The following CACNA2D3 variants were observed in gnomAD, a reference collection of about 807,000 sequenced individuals.
The protein encoded by CACNA2D3 is calcium voltage-gated channel auxiliary subunit alpha2delta 3.
Under a neutral mutation model 160.6 loss-of-function variants are expected in CACNA2D3, and 60 were observed. The observed-to-expected ratio is 0.37, with a 90% CI of 0.30 to 0.46. The LOEUF (loss-of-function observed/expected upper bound fraction) is 0.46, where lower values mean the gene tolerates loss of function less well. Ranked by LOEUF, CACNA2D3 falls within the 20% of genes least tolerant of loss-of-function variation. The pLI, the probability that CACNA2D3 is intolerant of heterozygous loss-of-function variation, is 1.00. For synonymous variants in CACNA2D3, 558 were observed against 492.9 expected (o/e 1.13, Z -1.75); for missense variants, 1,205 against 1,365.0 (o/e 0.88, Z 1.85).
chr3:54,533,731 G>A (rs1281369814), intron 5 of CACNA2D3, among the ~76,000 whole-genome samples: 1 of 151,958 alleles, frequency 6.6e-6, no homozygotes, highest in Admixed American at 6.6e-5. Flanking sequence ...GTGCTCTAAG[G>A]TCTTTAGGGA....
At chr3:54,698,904 A>G (rs1488599266) in intron 11 of CACNA2D3, among the ~76,000 whole-genome samples, 1 of 152,154 alleles carries the variant, frequency 6.6e-6, no homozygotes, top group Non-Finnish European at 1.5e-5. Flanking sequence ...TGGGAGAGCG[A>G]GCAAAAGCTT....
At chr3:54,978,587 G>A (rs946350609) in intron 29 of CACNA2D3, among the ~76,000 whole-genome samples, 4 of 152,174 alleles carry the variant, frequency 2.6e-5, no homozygotes, top group Admixed American at 6.5e-5. Context: ...CAATAGCAAC[G>A]TATTCCAAAA....
intron 11 of CACNA2D3, among the ~76,000 whole-genome samples, chr3:54,653,775 A>G (rs149871684): frequency 4.6e-5 from 7 of 152,292 alleles, no homozygotes; most frequent in African/African-American, 1.7e-4. Context: ...TGTGGTGGAA[A>G]CTGTGGTTTC....
chr3:54,715,214 G>A (rs114002561), intron 11 of CACNA2D3, among the ~76,000 whole-genome samples: 93 of 152,284 alleles, frequency 6.1e-4, no homozygotes, highest in African/African-American at 2.2e-3. Flanking sequence ...GTGGGTCACA[G>A]AACTCAGGGA....
intron 2 of CACNA2D3, among the ~76,000 whole-genome samples, chr3:54,196,035 G>C (rs1701073146): frequency 6.6e-6 from 1 of 152,158 alleles, no homozygotes. Context: ...CAATGTTGGT[G>C]GCCATCAAGA....
At chr3:54,386,846 G>C in intron 4 of CACNA2D3, 72 bp downstream of exon 4, 1 of 1,353,674 alleles carries the variant, frequency 7.4e-7, no homozygotes, top group Non-Finnish European at 1.0e-6. Context: ...GGTATACCAG[G>C]AATACTGATT....
chr3:54,975,909 T>G lies in CACNA2D3; in HGVS notation c.2556+6065T>G, dbSNP rs571982791. On this transcript the variant is annotated intron_variant, in intron 29 of 37. Transcript: ENST00000474759. ...GTCAGTCACTTTTATTGTTTTTACTTGCTTTCAGCCACAATAATAACACCC... is the reference window on the plus strand; with the variant it reads ...GTCAGTCACTTTTATTGTTTTTACTGGCTTTCAGCCACAATAATAACACCC... Among the ~76,000 whole-genome samples the G allele has an allele frequency of 2.0e-5, 3 of 152,258 alleles. No homozygotes were observed. The East Asian group carries it at 5.8e-4, about 29-fold the overall frequency.
chr3:54,742,946 A>G (rs1701683741), intron 11 of CACNA2D3, among the ~76,000 whole-genome samples: 1 of 152,236 alleles, frequency 6.6e-6, no homozygotes. Flanking sequence ...TTCAGGAGAA[A>G]AAGAAATCAT....
intron 3 of CACNA2D3, among the ~76,000 whole-genome samples, chr3:54,321,775 C>G (rs1194769301): frequency 6.6e-6 from 1 of 152,062 alleles, no homozygotes; most frequent in African/African-American, 2.4e-5. Flanking sequence ...ATGTGAATTC[C>G]AGAACACAGA....
intron 27 of CACNA2D3, among the ~76,000 whole-genome samples, chr3:54,905,233 G>A (rs1034886685): frequency 3.9e-5 from 6 of 152,180 alleles, no homozygotes; most frequent in Admixed American, 2.0e-4. Context: ...TGTGGGTTAT[G>A]TGGTCTCATT....
At chr3:54,874,932 G>C (rs185070023) in intron 18 of CACNA2D3, 1 of 152,210 alleles carries the variant, frequency 6.6e-6, no homozygotes, top group African/African-American at 2.4e-5. Context: ...TGTCTGCATG[G>C]TATTGTTGTG....
chr3:54,209,900 G>C (rs1701343151), intron 2 of CACNA2D3, among the ~76,000 whole-genome samples: 1 of 152,184 alleles, frequency 6.6e-6, no homozygotes, highest in Non-Finnish European at 1.5e-5. Flanking sequence ...AATCCCTTTA[G>C]AGATGAATGT....
In CACNA2D3 at chr3:54,571,612, AGTGTGTGTGTGT is replaced by A. The variant is rs58652360; in HGVS notation, c.888+1544_888+1555del. Among the ~76,000 whole-genome samples, 1,088 of 136,298 alleles carry A rather than the reference AGTGTGTGTGTGT, an allele frequency of 8.0e-3. 9 individuals carry two copies. Among genetic ancestry groups the A allele is most frequent in the South Asian group, 0.035 (134 of 3,862 alleles). The allele number at this position is 136,298 out of a possible 152,430, so 89.4% of individuals were successfully genotyped here. ...CTTTGAGTCCTTGAGCACTTAACCA[AGTGTGTGTGTGT>A]GTGTGTGTGTGTGTGTGTGTGTGTG... On this transcript the variant is annotated intron_variant, in intron 8 of 37. Transcript: ENST00000474759.
At chr3:55,005,197 A>G (rs915283692) in intron 32 of CACNA2D3, among the ~76,000 whole-genome samples, 1 of 151,878 alleles carries the variant, frequency 6.6e-6, no homozygotes, top group Admixed American at 6.6e-5. Flanking sequence ...AACCGCTTGA[A>G]CCTTGGAGGA....
Position 54,149,877 on chromosome 3 carries a change from G to GTGTCTCTCTCTCTCTC in CACNA2D3, c.204+26284_204+26285insGTCTCTCTCTCTCTCT, listed in dbSNP as rs757018890. On this transcript the variant is annotated intron_variant, in intron 2 of 37. Transcript: ENST00000474759. ...TAGTAACAGAGAGGGCTGTCCTGAAGTATCTGTCTCTCTCTCTCTCTCTCT... is the reference window on the plus strand; with the variant it reads ...TAGTAACAGAGAGGGCTGTCCTGAAGTGTCTCTCTCTCTCTCTATCTGTCTCTCTCTCTCTCTCTCT... Among the ~76,000 whole-genome samples, 45 of 105,948 alleles carry GTGTCTCTCTCTCTCTC rather than the reference G, an allele frequency of 4.2e-4. 3 individuals carry two copies. The highest frequency in any genetic ancestry group is 8.5e-4 in the East Asian group (3 of 3,540). The allele number at this position is 105,948 out of a possible 152,430, so 69.5% of individuals were successfully genotyped here. A position where few individuals can be genotyped will look rare whatever the true frequency, so the allele number is the denominator to read the frequency against.
chr3:54,864,869 G>A (rs57895449), intron 17 of CACNA2D3, among the ~76,000 whole-genome samples: 44,577 of 152,118 alleles, frequency 0.29, 8,532 homozygotes, highest in Admixed American at 0.49. Flanking sequence ...GCTGCTGCCT[G>A]TCAGCCATGT....
Position 55,074,135 on chromosome 3 carries a change from G to T in CACNA2D3, c.3205G>T (p.Gly1069Cys). 1.2e-6 allele frequency: 2 copies of T among 1,613,706 alleles called. No individual in the cohort carries two copies. The highest frequency in any genetic ancestry group is 1.1e-5 in the South Asian group (1 of 91,064). The stretch of plus-strand genomic sequence containing the variant: ...ATAGGAGAATGCAAGGGAGTGTGGG[G>T]GTGCGCCGAGTCTCCAAGCCCAGAC... ...HPEENARECG[G>C]APSLQAQTVL... Residue 1069 changes from glycine (G) to cysteine (C), a missense_variant, in exon 38 of 38, where the codon GGT becomes TGT. By Grantham distance (159) the Gly-to-Cys change is radical. Around this residue, in one of 3 missense-constraint regions of CACNA2D3, gnomAD observed 911 missense variants for 1,002.2 expected, o/e 0.91. Transcript: ENST00000474759.
intron 11 of CACNA2D3, among the ~76,000 whole-genome samples, chr3:54,687,413 G>GT (rs1222421962): frequency 6.6e-6 from 1 of 150,564 alleles, no homozygotes; most frequent in Non-Finnish European, 1.5e-5. Context: ...GCCTCCCAAT[G>GT]TGCCAGGATT....
intron 14 of CACNA2D3, among the ~76,000 whole-genome samples, chr3:54,836,165 A>G (rs1409796453): frequency 6.6e-6 from 1 of 150,376 alleles, no homozygotes; most frequent in Non-Finnish European, 1.5e-5. Flanking sequence ...CTGTAACCCA[A>G]TTGAGAGGTT....
Sources: gnomAD v4.1 joint callset for allele counts (sites outside exome capture counted in the v4.1 genomes callset) on GRCh38, gnomAD v4.1.1 for gene constraint, gnomAD v4.1.1 regional missense constraint, MANE v1.5 for transcripts, NCBI Gene and HGNC (gene_info 2026-07-23, HGNC 2026-07-21) for gene names.